The following PALM2AKAP2 variants were observed in gnomAD, a reference collection of about 807,000 sequenced individuals.
PALM2AKAP2 encodes the protein PALM2-AKAP2 fusion protein.
Under a neutral mutation model 71.5 loss-of-function variants are expected in PALM2AKAP2, and 37 were observed. The observed-to-expected ratio is 0.52, with a 90% CI of 0.40 to 0.68. The LOEUF is 0.68. Among genes scored for constraint, PALM2AKAP2 ranks in the 30% least tolerant of loss-of-function variants. The pLI is 0.00. For synonymous variants in PALM2AKAP2, 468 were observed against 478.8 expected (o/e 0.98, Z 0.29); for missense variants, 1,224 against 1,191.8 (o/e 1.03, Z -0.40).
chr9:109,665,937 C>A (rs746163070), intron 1 of PALM2AKAP2, among the ~76,000 whole-genome samples: 5 of 152,242 alleles, frequency 3.3e-5, no homozygotes, highest in Non-Finnish European at 5.9e-5. Flanking sequence ...TCTCACAGAT[C>A]ATCTCAGACT....
At chr9:110,040,752 G>T (rs999346290) in intron 7 of PALM2AKAP2, among the ~76,000 whole-genome samples, 2 of 152,078 alleles carry the variant, frequency 1.3e-5, no homozygotes, top group African/African-American at 2.4e-5. Context: ...AAATACATTT[G>T]CATCTAAAAC....
chr9:109,762,448 A>G (rs1829070521), intron 1 of PALM2AKAP2, among the ~76,000 whole-genome samples: 1 of 152,210 alleles, frequency 6.6e-6, no homozygotes, highest in African/African-American at 2.4e-5. Flanking sequence ...AAAAGTCTTT[A>G]TTAATCTAGA....
At chr9:109,847,217 G>A (rs73655591) in intron 1 of PALM2AKAP2, among the ~76,000 whole-genome samples, 2,056 of 152,240 alleles carry the variant, frequency 0.014, 48 homozygotes, top group African/African-American at 0.047. Flanking sequence ...AATGACAACT[G>A]TCTTCATAAG....
In PALM2AKAP2 at chr9:110,137,093, C is replaced by T. The variant is rs2119106735; in HGVS notation, c.1123C>T (p.Gln375Ter). Reference sequence around the variant, plus strand: ...GTTGCTGCTGCAGAAGCAGTTACAGCAGCAGCAGCAGCAGCCCCCATCGCA... The same window carrying T: ...GTTGCTGCTGCAGAAGCAGTTACAGTAGCAGCAGCAGCAGCCCCCATCGCA... The change falls in exon 2 of 4, where the codon CAG (glutamine) becomes TAG (stop). Residue 375 changes from glutamine (Q) to a stop codon, truncating the protein, a stop_gained. Transcript: ENST00000374525. LOFTEE classifies it high-confidence loss of function. 6.2e-7 allele frequency: 1 copy of T among 1,608,524 alleles called. No homozygotes were observed. Among genetic ancestry groups the T allele is most frequent in the East Asian group, 2.2e-5 (1 of 44,826 alleles).
At chr9:109,677,845 T>C (rs550076527) in intron 1 of PALM2AKAP2, among the ~76,000 whole-genome samples, 1 of 152,114 alleles carries the variant, frequency 6.6e-6, no homozygotes, top group Non-Finnish European at 1.5e-5. Flanking sequence ...GACTTTGAGA[T>C]GATTAAAATA....
chr9:109,960,287 C>T (rs1458358499), intron 6 of PALM2AKAP2, among the ~76,000 whole-genome samples: 1 of 152,156 alleles, frequency 6.6e-6, no homozygotes, highest in African/African-American at 2.4e-5. Context: ...CGCTATCAGC[C>T]CTCCTCTGCA....
intron 6 of PALM2AKAP2, among the ~76,000 whole-genome samples, chr9:109,955,735 A>G (rs888702879): frequency 1.3e-5 from 2 of 152,100 alleles, no homozygotes; most frequent in African/African-American, 4.8e-5. Flanking sequence ...AGGGCTTGTC[A>G]TAAATCCTGG....
exon 2 of PALM2AKAP2, chr9:110,137,389 TGCCTCAGCC>T: frequency 6.2e-7 from 1 of 1,613,978 alleles, no homozygotes; most frequent in Non-Finnish European, 8.5e-7. Context: ...AAGACAGTGG[TGCCTCAGCC>T]GCCAAGGGAC....
intron 1 of PALM2AKAP2, chr9:110,125,405 C>T (rs932824131): frequency 9.0e-6 from 7 of 776,760 alleles, no homozygotes; most frequent in African/African-American, 3.8e-5. Flanking sequence ...CAGGCCTCTC[C>T]GAAGGAGGTT....
At chr9:109,978,807 T>TA (rs74745018) in intron 6 of PALM2AKAP2, among the ~76,000 whole-genome samples, 23,990 of 152,068 alleles carry the variant, frequency 0.16, 2,222 homozygotes, top group East Asian at 0.38. Context: ...AGCTTTTTAT[T>TA]AAAAATGGAA....
At chr9:109,933,927 C>A (rs1831166396) in intron 6 of PALM2AKAP2, among the ~76,000 whole-genome samples, 1 of 152,144 alleles carries the variant, frequency 6.6e-6, no homozygotes, top group Admixed American at 6.5e-5. Context: ...GCTTACCAAC[C>A]AAGGGTACTC....
chr9:109,996,303 C>A (rs1471782025), intron 6 of PALM2AKAP2, among the ~76,000 whole-genome samples: 1 of 152,170 alleles, frequency 6.6e-6, no homozygotes, highest in African/African-American at 2.4e-5. Flanking sequence ...TGGAAAGGGG[C>A]CCCACTGAAT....
At chr9:109,946,355 TC>T (rs1831504829) in intron 6 of PALM2AKAP2, 1 of 152,160 alleles carries the variant, frequency 6.6e-6, no homozygotes, top group African/African-American at 2.4e-5. Context: ...AAAACCATGA[TC>T]TTTTTTGAGC....
intron 1 of PALM2AKAP2, among the ~76,000 whole-genome samples, chr9:109,840,792 G>A (rs946403018): frequency 6.6e-6 from 1 of 152,194 alleles, no homozygotes. Flanking sequence ...GGCCATCAGA[G>A]AAATGCAGAT....
intron 1 of PALM2AKAP2, among the ~76,000 whole-genome samples, chr9:109,649,696 A>T (rs1217254742): frequency 6.6e-6 from 1 of 152,258 alleles, no homozygotes; most frequent in Admixed American, 6.5e-5. Flanking sequence ...TCCATTTCCA[A>T]ATAGAGGTAA....
In PALM2AKAP2 at chr9:109,757,838, ATTGAT is replaced by A. The variant is rs552957683; in HGVS notation, c.6-22647_6-22643del. ...TAGATCCCAGATTTCTCTTTTTTTC[ATTGAT>A]TTATCTATGTAACTTTTTATGTATT... On this transcript the variant is annotated intron_variant, in intron 1 of 6. Transcript: ENST00000374531. Among the ~76,000 whole-genome samples, 6 of 152,140 alleles carry A rather than the reference ATTGAT, an allele frequency of 3.9e-5. No individual in the cohort carries two copies. The East Asian group carries it at 1.2e-3, about 29-fold the overall frequency.
intron 1 of PALM2AKAP2, among the ~76,000 whole-genome samples, chr9:110,058,784 GTC>G (rs1314598501): frequency 6.6e-6 from 1 of 151,172 alleles, no homozygotes; most frequent in African/African-American, 2.4e-5. Flanking sequence ...TCCCTCCCCT[GTC>G]TCTCTCCCTT....
chr9:109,933,374 T>G (rs1331189372), intron 6 of PALM2AKAP2, among the ~76,000 whole-genome samples: 2 of 152,206 alleles, frequency 1.3e-5, no homozygotes, highest in African/African-American at 4.8e-5. Context: ...ACATGGGTGT[T>G]GATGGCTCCT....
At position 110,017,983 on chromosome 9, in the gene PALM2AKAP2, C is replaced by T. The variant is rs1833010951; in HGVS notation, c.582+1944C>T. On this transcript the variant is annotated intron_variant, in intron 7 of 9. Coordinates refer to the PALM2AKAP2 transcript ENST00000302798. ...CCTCATGGTCCGCCTGCCTCAGCCT[C>T]CCAAAGTGCTGGGATTACAGGCGTG... Among the ~76,000 whole-genome samples the T allele has an allele frequency of 2.0e-5, 3 of 152,124 alleles. No homozygotes were observed. In the South Asian group the frequency reaches 6.2e-4, roughly 32 times the overall value.
Sources: allele counts gnomAD v4.1 joint callset (sites outside exome capture counted in the v4.1 genomes callset), GRCh38; gene constraint gnomAD v4.1.1; transcripts MANE v1.5; gene names NCBI Gene and HGNC (gene_info 2026-07-23, HGNC 2026-07-21).